The following SURF1 variants were observed in gnomAD, a reference collection of about 807,000 sequenced individuals.
SURF1 encodes surfeit locus protein 1.
In SURF1, 45 loss-of-function variants were observed where a neutral mutation model predicts 34.1. That is an observed-to-expected ratio of 1.32 (90% CI 1.04 to 1.69). SURF1 has a LOEUF of 1.69. Among genes scored for constraint, SURF1 ranks in the 40% most tolerant of loss-of-function variants. The probability of loss-of-function intolerance (pLI) is 0.00; values close to 1 mark genes in which losing one functional copy is unlikely to be tolerated. For missense variants in SURF1, 456 were observed against 384.6 expected, an observed-to-expected ratio of 1.19 and a Z score of -1.55; for synonymous variants, 188 against 147.5, an observed-to-expected ratio of 1.27 and a Z score of -1.99.
intron 8 of SURF1, 33 bp from the exon 9 acceptor site, chr9:133,352,015 C>G: frequency 6.2e-7 from 1 of 1,613,154 alleles, no homozygotes. Context: ...CATTAGCAGG[C>G]TGCTAGGCTG....
chr9:133,356,286 C>T lies in SURF1; in HGVS notation c.89G>A (p.Arg30Lys). Reference protein sequence around the residue: ...PASAAWRSVLRVSPRPGVAWR... With the variant: ...PASAAWRSVLKVSPRPGVAWR... ...GCCCTCACCTGGGCGCGGGGAGACC[C>T]TGAGGACGCTCCTCCAGGCGGCGCT... Residue 30 changes from arginine (R) to lysine (K), a missense_variant, in exon 2 of 9, where the codon AGG (arginine) becomes AAG (lysine). By Grantham distance (26) the Arg-to-Lys change is conservative. Coordinates refer to ENST00000371974, the MANE Select transcript of SURF1 (RefSeq NM_003172.4). 6.5e-7 allele frequency: 1 copy of T among 1,530,890 alleles called. No individual in the cohort carries two copies. The highest frequency in any genetic ancestry group is 1.4e-5 in the African/African-American group (1 of 72,574). 94.8% of individuals were successfully genotyped at this position (1,530,890 alleles called of 1,614,324 possible).
chr9:133,356,309 G>A lies in SURF1; in HGVS notation c.66C>T (p.Ser22=), dbSNP rs1376947584. The A allele has an allele frequency of 2.6e-6, 4 of 1,523,544 alleles. No homozygotes were observed. The highest frequency in any genetic ancestry group is 2.8e-5 in the African/African-American group (2 of 71,470). 94.4% of individuals were successfully genotyped at this position (1,523,544 alleles called of 1,614,324 possible). A position where few individuals can be genotyped will look rare whatever the true frequency, so the allele number is the denominator to read the frequency against. Reference sequence around the variant, plus strand: ...CCCTGAGGACGCTCCTCCAGGCGGCGCTGGCCGGGGCCTGCGGACACGGAC... The same window carrying A: ...CCCTGAGGACGCTCCTCCAGGCGGCACTGGCCGGGGCCTGCGGACACGGAC... ...RAAGLGRAPA[S]AAWRSVLRVS... is the part of the protein sequence containing the mutation. Residue 22 remains serine, a synonymous_variant, in exon 2 of 9, where the codon AGC becomes AGT. Coordinates refer to ENST00000371974, the MANE Select transcript of SURF1 (RefSeq NM_003172.4).
chr9:133,355,429 A>G (rs1836548084), intron 2 of SURF1, among the ~76,000 whole-genome samples: 2 of 152,116 alleles, frequency 1.3e-5, no homozygotes, highest in South Asian at 4.1e-4. Context: ...AAAATGCAAA[A>G]ATTAGCTGAG....
intron 5 of SURF1, among the ~76,000 whole-genome samples, chr9:133,353,499 GTTTCACGAATCCC>G (rs1836489013): frequency 1.3e-5 from 2 of 152,172 alleles, no homozygotes; most frequent in South Asian, 4.1e-4. Flanking sequence ...CAGGGCCCCT[GTTTCACGAATCCC>G]TCCTTTCCCT....
At chr9:133,352,857 G>C in intron 5 of SURF1, 91 bp from the exon 6 acceptor site, 3 of 1,369,176 alleles carry the variant, frequency 2.2e-6, no homozygotes, top group Non-Finnish European at 3.0e-6. Flanking sequence ...GGAACAACTA[G>C]AGCACCAAGG....
In SURF1 at chr9:133,353,752, AGGTC is replaced by A; in HGVS notation, c.508_511del (p.Asp170TrpfsTer7). The A allele has an allele frequency of 6.2e-7, 1 of 1,613,738 alleles. No homozygotes were observed. Among genetic ancestry groups the A allele is most frequent in the Non-Finnish European group, 8.5e-7 (1 of 1,180,018 alleles). On this transcript the variant is annotated frameshift_variant, in exon 5 of 9. Coordinates refer to ENST00000371974, the MANE Select transcript of SURF1 (RefSeq NM_003172.4). LOFTEE classifies it high-confidence loss of function. ...AGCTCCCACATGTCCTACTCACCCC[AGGTC>A]GGTGCAGTGGAAGGGAGTGACCACA...
In SURF1 at chr9:133,352,124, C is replaced by G. The variant is rs1030336089; in HGVS notation, c.770G>C (p.Gly257Ala). 2 of 1,604,382 alleles carry G rather than the reference C, an allele frequency of 1.2e-6. No individual in the cohort carries two copies. The highest frequency in any genetic ancestry group is 1.7e-5 in the Admixed American group (1 of 58,678). The change falls in exon 8 of 9, where the codon GGA becomes GCA. Residue 257 changes from glycine (G) to alanine (A), a missense_variant. Coordinates refer to ENST00000371974, the MANE Select transcript of SURF1 (RefSeq NM_003172.4). ...AACTCTGGTTTGCCCTCCAATGGGT[C>G]CTCCAGGGACTGTGCTCTCTGTGGA... ...DANFQSTVPG[G>A]PIGGQTRVTL...
chr9:133,351,841 G>A lies in SURF1; in HGVS notation c.*72C>T. 1.3e-6 allele frequency: 2 copies of A among 1,496,340 alleles called. No individual in the cohort carries two copies. 92.7% of individuals were successfully genotyped at this position (1,496,340 alleles called of 1,614,324 possible). ...AGAAGGCCAGAACTTTATACCAGTA[G>A]CACATGATCCAGCATAAAGGCAGTC... On this transcript the variant is annotated 3_prime_UTR_variant, in exon 9 of 9. Transcript: ENST00000371974.
intron 4 of SURF1, 165 bp from the exon 5 acceptor site, chr9:133,354,105 A>C: frequency 1.3e-6 from 1 of 760,226 alleles, no homozygotes; most frequent in African/African-American, 1.7e-5. Flanking sequence ...GTGGATCTGC[A>C]CTGCCAGAGT....
Position 133,351,989 on chromosome 9 carries a change from G to A in SURF1, c.834-7C>T, listed in dbSNP as rs2130003413. ...AGCTGCAGAGAGTCCATACCTAGGG[G>A]TTGAAAGCAAGCCAGCATTAGCAGG... On this transcript the variant is annotated splice_region_variant and splice_polypyrimidine_tract_variant and intron_variant, in intron 8 of 8. Coordinates refer to ENST00000371974, the MANE Select transcript of SURF1 (RefSeq NM_003172.4). 11 of 1,613,760 alleles carry A rather than the reference G, an allele frequency of 6.8e-6. No homozygotes were observed. Among genetic ancestry groups the A allele is most frequent in the South Asian group, 1.1e-5 (1 of 90,972 alleles).
chr9:133,354,751 C>CA lies in SURF1; in HGVS notation c.241-11dup. On this transcript the variant is annotated splice_polypyrimidine_tract_variant and intron_variant, in intron 3 of 8. Transcript: ENST00000371974. ...ACTTCCGACGCTGGACCTACAGTGA[C>CA]AGAGCATAAGGCCAAGCAGATGGCA... The CA allele has an allele frequency of 6.2e-7, 1 of 1,613,732 alleles. No homozygotes were observed. The highest frequency in any genetic ancestry group is 8.5e-7 in the Non-Finnish European group (1 of 1,180,038).
chr9:133,354,712 C>G lies in SURF1; in HGVS notation c.270G>C (p.Leu90=). The change falls in exon 4 of 9, where the codon CTG becomes CTC. Residue 90 remains leucine, a synonymous_variant. Coordinates refer to ENST00000371974, the MANE Select transcript of SURF1 (RefSeq NM_003172.4). ...QVQRRKWKLN[L]IAELESRVLA... ...GAACTCTGGACTCCAACTCTGCAAT[C>G]AGGTTCAGCTTCCACTTCCGACGCT... The G allele has an allele frequency of 1.2e-6, 2 of 1,613,636 alleles. No homozygotes were observed. Among genetic ancestry groups the G allele is most frequent in the Non-Finnish European group, 1.7e-6 (2 of 1,180,030 alleles).
Position 133,354,792 on chromosome 9 carries a change from C to A in SURF1, c.240+32G>T, listed in dbSNP as rs2130018682. 2.5e-6 allele frequency: 4 copies of A among 1,613,766 alleles called. No individual in the cohort carries two copies. The South Asian group carries it at 4.4e-5, about 18-fold the overall frequency. Reference sequence around the variant, plus strand: ...GCAGATGGCAGCAAGGTCAAGGGCCCAGAGTTACGCACACCAGATGCCGGT... The same window carrying A: ...GCAGATGGCAGCAAGGTCAAGGGCCAAGAGTTACGCACACCAGATGCCGGT... On this transcript the variant is annotated intron_variant, in intron 3 of 8. Transcript: ENST00000371974.
At chr9:133,354,544 A>C in intron 4 of SURF1, 115 bp downstream of exon 4, 4 of 1,214,466 alleles carry the variant, frequency 3.3e-6, no homozygotes, top group East Asian at 4.6e-5. Context: ...CTCCCACCTG[A>C]GGTCAAGGCA....
intron 3 of SURF1, 39 bp from the exon 4 acceptor site, chr9:133,354,780 A>C (rs2130018587): frequency 1.2e-6 from 2 of 1,613,806 alleles, no homozygotes; most frequent in African/African-American, 2.7e-5. Flanking sequence ...GATGGCAGCA[A>C]GGTCAAGGGC....
At chr9:133,356,162 C>T (rs1269282488) in intron 2 of SURF1, 107 bp downstream of exon 2, 1 of 1,409,316 alleles carries the variant, frequency 7.1e-7, no homozygotes, top group Non-Finnish European at 9.7e-7. Context: ...TCCGCTCAGC[C>T]GGCAGTTGGT....
chr9:133,352,366 T>C, intron 7 of SURF1, 80 bp downstream of exon 7: 1 of 1,606,622 alleles, frequency 6.2e-7, no homozygotes, highest in Non-Finnish European at 8.5e-7. Flanking sequence ...GCCACAGTAG[T>C]GACTGGGCAA....
At position 133,352,616 on chromosome 9, in the gene SURF1, G is replaced by A. The variant is rs2130008514; in HGVS notation, c.589-8C>T. Reference sequence around the variant, plus strand: ...GTCCACTTCTCCCTCAATCTATAAAGGAAGGTGTGTGAGATTGCATGGAGC... The same window carrying A: ...GTCCACTTCTCCCTCAATCTATAAAAGAAGGTGTGTGAGATTGCATGGAGC... On this transcript the variant is annotated splice_polypyrimidine_tract_variant and splice_region_variant and intron_variant, in intron 6 of 8. Coordinates refer to ENST00000371974, the MANE Select transcript of SURF1 (RefSeq NM_003172.4). 3.1e-6 allele frequency: 5 copies of A among 1,614,168 alleles called. No individual in the cohort carries two copies. The Admixed American group carries it at 8.3e-5, about 27-fold the overall frequency.
rs1024279265 is a variant in SURF1 at position 133,356,218 on chromosome 9, C to T, written c.106+51G>A. 22 of 1,529,046 alleles carry T rather than the reference C, an allele frequency of 1.4e-5. No individual in the cohort carries two copies. The African/African-American group carries it at 1.5e-4, about 10-fold the overall frequency. 94.7% of individuals were successfully genotyped at this position (1,529,046 alleles called of 1,614,324 possible). A position where few individuals can be genotyped will look rare whatever the true frequency, so the allele number is the denominator to read the frequency against. ...ACCCTTCAAAGTGCAGGGCAGACAG[C>T]AGGTGGCTCTGCCCAGGCGCCTGGA... is the stretch of plus-strand genomic sequence containing the variant. On this transcript the variant is annotated intron_variant, in intron 2 of 8. Transcript: ENST00000371974.
Sources: allele counts gnomAD v4.1 joint callset (sites outside exome capture counted in the v4.1 genomes callset), GRCh38; gene constraint gnomAD v4.1.1; transcripts MANE v1.5; gene names NCBI Gene and HGNC (gene_info 2026-07-23, HGNC 2026-07-21).